Variants in TASP1 observed in about 807,000 individuals in gnomAD.
TASP1 encodes threonine aspartase 1.
TASP1 carries 16 observed loss-of-function variants against 56.6 expected under a neutral mutation model. The ratio of observed to expected loss-of-function variants is 0.28; its 90% CI spans 0.19 to 0.43. The LOEUF (loss-of-function observed/expected upper bound fraction) is 0.43. TASP1 is among the 20% of genes least tolerant of loss of function. The pLI is 1.00. For synonymous variants in TASP1, 179 were observed against 184.2 expected, an observed-to-expected ratio of 0.97 and a Z score of 0.23; for missense variants, 393 against 511.6, an observed-to-expected ratio of 0.77 and a Z score of 2.24.
the TASP1 span, among the ~76,000 whole-genome samples, chr20:13,305,301 A>C: frequency 1.8e-4 from 28 of 152,112 alleles, no homozygotes; most frequent in African/African-American, 6.7e-4. Context: ...CTTTTCCATA[A>C]TTTTAGAATT....
intron 4 of TASP1, among the ~76,000 whole-genome samples, chr20:13,593,197 A>G (rs1299121191): frequency 6.6e-6 from 1 of 152,196 alleles, no homozygotes; most frequent in Non-Finnish European, 1.5e-5. Flanking sequence ...TATTCCAGAA[A>G]TGCAGGGCTG....
At chr20:13,149,982 C>G in the TASP1 span, among the ~76,000 whole-genome samples, 1 of 152,178 alleles carries the variant, frequency 6.6e-6, no homozygotes, top group Non-Finnish European at 1.5e-5. Flanking sequence ...CAGGACCAGC[C>G]TGATGAAGTC....
chr20:13,504,203 C>T (rs914236681), intron 10 of TASP1, among the ~76,000 whole-genome samples: 1 of 151,536 alleles, frequency 6.6e-6, no homozygotes, highest in Non-Finnish European at 1.5e-5. Flanking sequence ...TTTAAAGCAG[C>T]AAGAGAGGCT....
At chr20:13,263,967 TTTG>T in the TASP1 span, among the ~76,000 whole-genome samples, 4 of 127,988 alleles carry the variant, frequency 3.1e-5, no homozygotes, top group Non-Finnish European at 7.0e-5. Flanking sequence ...CTAGGGTTTT[TTTG>T]TTTTTCTTTA....
the TASP1 span, among the ~76,000 whole-genome samples, chr20:13,227,264 C>T: frequency 9.8e-4 from 149 of 152,106 alleles, no homozygotes; most frequent in African/African-American, 3.3e-3. Flanking sequence ...AGTGCAGTGG[C>T]GCTATCTTGG....
intron 4 of TASP1, among the ~76,000 whole-genome samples, chr20:13,622,461 C>T (rs1188128702): frequency 6.6e-6 from 1 of 152,146 alleles, no homozygotes; most frequent in African/African-American, 2.4e-5. Flanking sequence ...TTAAAATCTA[C>T]AAAGCATGAT....
At chr20:13,175,462 GA>G in the TASP1 span, among the ~76,000 whole-genome samples, 2 of 152,016 alleles carry the variant, frequency 1.3e-5, no homozygotes, top group Non-Finnish European at 2.9e-5. Context: ...CCCACATAGG[GA>G]AAAAAGATGA....
At chr20:13,433,063 G>C (rs1425023538) in intron 12 of TASP1, among the ~76,000 whole-genome samples, 1 of 151,966 alleles carries the variant, frequency 6.6e-6, no homozygotes, top group East Asian at 1.9e-4. Flanking sequence ...GCCATGGAGG[G>C]CTTGCTACAC....
the TASP1 span, among the ~76,000 whole-genome samples, chr20:13,135,015 G>A: frequency 6.6e-6 from 1 of 152,202 alleles, no homozygotes; most frequent in Non-Finnish European, 1.5e-5. Flanking sequence ...CCCTAAGCCT[G>A]TGCTTTCACA....
chr20:13,427,146 G>C (rs1264420740), intron 12 of TASP1, among the ~76,000 whole-genome samples: 5 of 152,174 alleles, frequency 3.3e-5, no homozygotes, highest in Non-Finnish European at 5.9e-5. Context: ...AAGCTCCTTT[G>C]AAGTACATGT....
At chr20:13,296,131 G>A in the TASP1 span, among the ~76,000 whole-genome samples, 3 of 152,158 alleles carry the variant, frequency 2.0e-5, no homozygotes, top group East Asian at 3.9e-4. Flanking sequence ...CTTACCCACC[G>A]CAGCTCACTG....
chr20:13,241,230 G>A, the TASP1 span, among the ~76,000 whole-genome samples: 18 of 152,096 alleles, frequency 1.2e-4, no homozygotes, highest in Non-Finnish European at 1.5e-4. Context: ...AGTGTCTATT[G>A]GGTAAAGGAA....
At chr20:13,336,425 C>T in the TASP1 span, among the ~76,000 whole-genome samples, 3 of 152,208 alleles carry the variant, frequency 2.0e-5, no homozygotes, top group South Asian at 2.1e-4. Context: ...CCTCCCCTAA[C>T]GCCACCCAGA....
At chr20:13,379,928 A>AT in the TASP1 span, among the ~76,000 whole-genome samples, 1 of 152,092 alleles carries the variant, frequency 6.6e-6, no homozygotes, top group Non-Finnish European at 1.5e-5. Flanking sequence ...CCATCCGGTC[A>AT]TTTATGTTCT....
the TASP1 span, among the ~76,000 whole-genome samples, chr20:13,274,102 A>T: frequency 6.6e-6 from 1 of 151,490 alleles, no homozygotes; most frequent in Non-Finnish European, 1.5e-5. Flanking sequence ...CATGCACACA[A>T]ACACACCCAC....
the TASP1 span, among the ~76,000 whole-genome samples, chr20:13,186,282 T>C: frequency 8.5e-5 from 13 of 152,328 alleles, 1 homozygote; most frequent in South Asian, 2.7e-3. Context: ...ACACTTTCCA[T>C]AACAAAGACC....
chr20:13,629,750 T>G (rs1297006916), intron 2 of TASP1, among the ~76,000 whole-genome samples, 184 bp downstream of exon 2: 1 of 152,166 alleles, frequency 6.6e-6, no homozygotes, highest in Admixed American at 6.5e-5. Flanking sequence ...CATTCTAAGA[T>G]CTTCTAACTG....
the TASP1 span, among the ~76,000 whole-genome samples, chr20:13,237,564 A>G: frequency 2.0e-5 from 3 of 152,186 alleles, no homozygotes; most frequent in Non-Finnish European, 4.4e-5. Context: ...GGAAGTGATG[A>G]AAAGGGAGTC....
the TASP1 span, among the ~76,000 whole-genome samples, chr20:13,125,796 C>G: frequency 6.6e-6 from 1 of 152,210 alleles, no homozygotes; most frequent in Non-Finnish European, 1.5e-5. Flanking sequence ...CCCAGAACCA[C>G]CACACCATCA....
Sources: gnomAD v4.1 joint callset for allele counts (sites outside exome capture counted in the v4.1 genomes callset) on GRCh38, gnomAD v4.1.1 for gene constraint, MANE v1.5 for transcripts, NCBI Gene and HGNC (gene_info 2026-07-23, HGNC 2026-07-21) for gene names.